PPP2R1B: variants seen among roughly 807,000 people sequenced by gnomAD.
PPP2R1B encodes serine/threonine-protein phosphatase 2A 65 kDa regulatory subunit A beta isoform.
Under a neutral mutation model 72.7 loss-of-function variants are expected in PPP2R1B, and 58 were observed. The observed-to-expected ratio is 0.80, with a 90% CI of 0.65 to 0.99. The LOEUF (loss-of-function observed/expected upper bound fraction) is 0.99, where lower values mean the gene tolerates loss of function less well. PPP2R1B is among the 50% of genes least tolerant of loss of function. PPP2R1B has a pLI of 0.00. For missense variants in PPP2R1B, 695 were observed against 733.6 expected, an observed-to-expected ratio of 0.95 and a Z score of 0.61; for synonymous variants, 256 against 264.6, an observed-to-expected ratio of 0.97 and a Z score of 0.32.
chr11:111,766,025 A>AC, intron 1 of PPP2R1B: 1 of 592,150 alleles, frequency 1.7e-6, no homozygotes, highest in Non-Finnish European at 3.1e-6. Context: ...CTCCGGGCGG[A>AC]CGCCTCAGGG....
chr11:111,734,818 G>A (rs1944292819), downstream of PPP2R1B, among the ~76,000 whole-genome samples: 1 of 152,198 alleles, frequency 6.6e-6, no homozygotes, highest in African/African-American at 2.4e-5. Context: ...AGCTGCCCTT[G>A]AGACCCCCCA....
At chr11:111,712,174 C>T in the PPP2R1B span, 7 of 1,590,584 alleles carry the variant, frequency 4.4e-6, no homozygotes, top group Non-Finnish European at 6.0e-6. Flanking sequence ...AGAAGGTATT[C>T]ATGTTCCCAA....
At chr11:111,709,500 G>A in the PPP2R1B span, among the ~76,000 whole-genome samples, 1 of 152,214 alleles carries the variant, frequency 6.6e-6, no homozygotes, top group Non-Finnish European at 1.5e-5. Context: ...AAAGTCCAAA[G>A]AAGAGATTCA....
the PPP2R1B span, chr11:111,712,380 G>A: frequency 9.9e-6 from 16 of 1,611,934 alleles, no homozygotes; most frequent in East Asian, 1.3e-4. Context: ...CCAAAGGTAC[G>A]GCTATGTTTG....
At chr11:111,726,824 A>G, downstream of PPP2R1B, 1 of 722,998 alleles carries the variant, frequency 1.4e-6, no homozygotes, top group South Asian at 1.7e-5. Flanking sequence ...CTACTGTATC[A>G]TCATCAGCTT....
chr11:111,739,709 T>C lies in PPP2R1B; in HGVS notation c.*1887A>G. Reference sequence around the variant, plus strand: ...AATCTGCTTCATGAAGACAAATGTCTCTCAAATATGAAATTCAATGAAGAA... The same window carrying C: ...AATCTGCTTCATGAAGACAAATGTCCCTCAAATATGAAATTCAATGAAGAA... On this transcript the variant is annotated 3_prime_UTR_variant, in exon 15 of 15. Coordinates refer to ENST00000527614, the MANE Select transcript of PPP2R1B (RefSeq NM_002716.5). The C allele has an allele frequency of 1.0e-6, 1 of 985,246 alleles. No individual in the cohort carries two copies. Among genetic ancestry groups the C allele is most frequent in the Non-Finnish European group, 1.2e-6 (1 of 829,782 alleles). The allele number at this position is 985,246 out of a possible 1,614,324, so 61.0% of individuals were successfully genotyped here. A position where few individuals can be genotyped will look rare whatever the true frequency, so the allele number is the denominator to read the frequency against.
the PPP2R1B span, chr11:111,720,066 A>G: frequency 1.3e-6 from 2 of 1,497,982 alleles, no homozygotes; most frequent in African/African-American, 2.8e-5. Context: ...CCAATTGCCA[A>G]CAAGTGGTCA....
the PPP2R1B span, among the ~76,000 whole-genome samples, chr11:111,702,749 T>C: frequency 6.6e-6 from 1 of 152,152 alleles, no homozygotes; most frequent in Non-Finnish European, 1.5e-5. Context: ...AAGTAATATT[T>C]TATGTACACT....
intron 3 of PPP2R1B, 42 bp from the exon 4 acceptor site, chr11:111,761,093 GA>G (rs1343621167): frequency 1.3e-6 from 2 of 1,522,066 alleles, no homozygotes; most frequent in Non-Finnish European, 1.8e-6. Flanking sequence ...AAAACTTATT[GA>G]ATCAGGTTAG....
the PPP2R1B span, among the ~76,000 whole-genome samples, chr11:111,698,722 G>GA: frequency 2.0e-5 from 3 of 152,160 alleles, no homozygotes; most frequent in Non-Finnish European, 2.9e-5. Flanking sequence ...AAAAAGAAAA[G>GA]AAAGAAAGAA....
At chr11:111,715,311 A>G in the PPP2R1B span, among the ~76,000 whole-genome samples, 9 of 152,190 alleles carry the variant, frequency 5.9e-5, no homozygotes, top group African/African-American at 2.2e-4. Flanking sequence ...ATAAGTGCAC[A>G]CACACACACA....
At chr11:111,688,417 G>A in the PPP2R1B span, among the ~76,000 whole-genome samples, 1 of 152,214 alleles carries the variant, frequency 6.6e-6, no homozygotes, top group Admixed American at 6.5e-5. This position sits in a 1 kb window ranked among gnomAD's most constrained non-coding sequence, Gnocchi z 4.2. Context: ...GTTTCGGGGT[G>A]CTCTGCTGGA....
In PPP2R1B at chr11:111,747,993, T is replaced by C; in HGVS notation, c.1360A>G (p.Lys454Glu). 6.2e-7 allele frequency: 1 copy of C among 1,613,430 alleles called. No homozygotes were observed. Among genetic ancestry groups the C allele is most frequent in the Non-Finnish European group, 8.5e-7 (1 of 1,179,832 alleles). ...GQLGVEFFDE[K>E]LNSLCMAWLV... ...CAAGCCATACATAAAGAATTCAGCT[T>C]TTCATCAAAGAATTCCACACCCTAC... Residue 454 changes from lysine (K) to glutamate (E), a missense_variant, in exon 11 of 15, where the codon AAG becomes GAG. Coordinates refer to ENST00000527614, the MANE Select transcript of PPP2R1B (RefSeq NM_002716.5).
At chr11:111,705,186 A>C in the PPP2R1B span, 1 of 1,475,084 alleles carries the variant, frequency 6.8e-7, no homozygotes, top group South Asian at 1.5e-5. The surrounding 1 kb of genome is among the most constrained non-coding windows in gnomAD (Gnocchi z 4.3). Context: ...GTGCCTGTTC[A>C]CATGTTTGAT....
intron 6 of PPP2R1B, 21 bp from the exon 7 acceptor site, chr11:111,755,115 G>T (rs2136086798): frequency 6.3e-7 from 1 of 1,582,416 alleles, no homozygotes; most frequent in South Asian, 1.1e-5. Flanking sequence ...ATTTGAACGG[G>T]TTTTAATGTA....
At chr11:111,721,346 T>C in the PPP2R1B span, among the ~76,000 whole-genome samples, 1 of 152,144 alleles carries the variant, frequency 6.6e-6, no homozygotes, top group African/African-American at 2.4e-5. Context: ...ACAGTCGCCC[T>C]TGAACTCCCC....
intron 15 of PPP2R1B, chr11:111,730,619 T>C (rs557125681): frequency 2.6e-5 from 4 of 152,150 alleles, no homozygotes; most frequent in South Asian, 2.1e-4. Flanking sequence ...AAGAAAAAAA[T>C]TGGTGAGTTC....
chr11:111,729,937 G>C (rs1944127696), intron 15 of PPP2R1B: 1 of 152,278 alleles, frequency 6.6e-6, no homozygotes, highest in African/African-American at 2.4e-5. Flanking sequence ...GTTTCCTACA[G>C]AACACCCCCT....
At chr11:111,733,145 T>A (rs1288934183), downstream of PPP2R1B, among the ~76,000 whole-genome samples, 2 of 152,184 alleles carry the variant, frequency 1.3e-5, no homozygotes, top group East Asian at 3.9e-4. Context: ...GCAGAGAGCT[T>A]GCCAGGCGCC....
Sources: allele counts gnomAD v4.1 joint callset (sites outside exome capture counted in the v4.1 genomes callset), GRCh38; gene constraint gnomAD v4.1.1; non-coding constraint Gnocchi (gnomAD v3.1); transcripts MANE v1.5; gene names NCBI Gene and HGNC (gene_info 2026-07-23, HGNC 2026-07-21).